The following GPAT3 variants were observed in gnomAD, a reference collection of about 807,000 sequenced individuals.
GPAT3 encodes 1-AGP acyltransferase 9.
A neutral mutation model predicts 58.8 loss-of-function variants in GPAT3; 53 were observed. The ratio of observed to expected loss-of-function variants is 0.90; its 90% confidence interval spans 0.72 to 1.13. The LOEUF (loss-of-function observed/expected upper bound fraction) is 1.13, where lower values mean the gene tolerates loss of function less well. Ranked by LOEUF, GPAT3 falls within the 50% of genes most tolerant of loss-of-function variation. The pLI is 0.00. For missense variants in GPAT3, 511 were observed against 527.6 expected (o/e 0.97, Z 0.31); for synonymous variants, 197 against 187.4 (o/e 1.05, Z -0.42).
rs774973498 is a variant in GPAT3, at chr4:83,590,310, A to G, written c.738+18A>G. The G allele has an allele frequency of 6.2e-7, 1 of 1,604,560 alleles. No individual in the cohort carries two copies. The highest frequency in any genetic ancestry group is 8.5e-7 in the Non-Finnish European group (1 of 1,175,000). On this transcript the variant is annotated intron_variant, in intron 6 of 11. Transcript: ENST00000264409. The stretch of plus-strand genomic sequence containing the variant: ...ATGCTATGGTAAGAGCAGCTCATTG[A>G]TATTTCAAGTAGTTGCATGTTTTAT...
chr4:83,578,361 T>C (rs1374717990), intron 2 of GPAT3, among the ~76,000 whole-genome samples: 1 of 152,208 alleles, frequency 6.6e-6, no homozygotes, highest in Non-Finnish European at 1.5e-5. Context: ...AACTAAAATA[T>C]AAAATTGAGT....
At chr4:83,573,116 A>G (rs971729013) in intron 2 of GPAT3, among the ~76,000 whole-genome samples, 1 of 152,024 alleles carries the variant, frequency 6.6e-6, no homozygotes, top group Non-Finnish European at 1.5e-5. Flanking sequence ...AGATGGTATA[A>G]TGATCTTTTA....
intron 2 of GPAT3, among the ~76,000 whole-genome samples, chr4:83,549,370 C>T (rs1724660764): frequency 6.6e-6 from 1 of 151,316 alleles, no homozygotes; most frequent in South Asian, 2.1e-4. Flanking sequence ...ACTTGTCTAG[C>T]TACTTGTAGA....
intron 2 of GPAT3, among the ~76,000 whole-genome samples, chr4:83,566,419 T>TTTTTTATTATTATTA (rs1553945448): frequency 7.0e-6 from 1 of 143,594 alleles, no homozygotes; most frequent in African/African-American, 2.6e-5. Flanking sequence ...AATTAATTAA[T>TTTTTTATTATTATTA]TTATTATTAT....
At chr4:83,539,353 T>C (rs1256825929) in intron 1 of GPAT3, among the ~76,000 whole-genome samples, 2 of 152,238 alleles carry the variant, frequency 1.3e-5, no homozygotes, top group Non-Finnish European at 2.9e-5. Flanking sequence ...GAATATTCTT[T>C]GGGCTCTGAT....
chr4:83,562,793 GAT>G (rs1725228094), intron 2 of GPAT3, among the ~76,000 whole-genome samples: 1 of 120,872 alleles, frequency 8.3e-6, no homozygotes, highest in African/African-American at 3.5e-5. Flanking sequence ...GATAGAAAGA[GAT>G]ATAGATAGAT....
At chr4:83,537,591 A>ATGTG (rs113407081) in intron 1 of GPAT3, among the ~76,000 whole-genome samples, 2,256 of 145,242 alleles carry the variant, frequency 0.016, 24 homozygotes, top group Non-Finnish European at 0.019. Flanking sequence ...TATGTATAAT[A>ATGTG]TGTGTGTGTG....
intron 2 of GPAT3, among the ~76,000 whole-genome samples, chr4:83,580,394 G>T (rs1157734365): frequency 6.6e-6 from 1 of 152,102 alleles, no homozygotes; most frequent in African/African-American, 2.4e-5. Flanking sequence ...GTTAATGGGT[G>T]CATTTTATAT....
chr4:83,573,931 G>C (rs1235955436), intron 2 of GPAT3, among the ~76,000 whole-genome samples: 1 of 152,088 alleles, frequency 6.6e-6, no homozygotes, highest in Admixed American at 6.5e-5. Context: ...CCCCCTTCCA[G>C]TCTCTATGGG....
intron 9 of GPAT3, among the ~76,000 whole-genome samples, 159 bp from the exon 10 acceptor site, chr4:83,597,892 G>C (rs1281292222): frequency 2.0e-5 from 3 of 152,056 alleles, no homozygotes; most frequent in Non-Finnish European, 4.4e-5. Context: ...TGTATTAGCT[G>C]GCCCAGTTTA....
At chr4:83,556,335 TA>T (rs1401216509) in intron 2 of GPAT3, among the ~76,000 whole-genome samples, 2 of 152,082 alleles carry the variant, frequency 1.3e-5, no homozygotes, top group South Asian at 2.1e-4. Flanking sequence ...CTGTCTTGAC[TA>T]AAATACAAAA....
At chr4:83,598,811 C>T in intron 11 of GPAT3, 88 bp downstream of exon 11, 1 of 859,990 alleles carries the variant, frequency 1.2e-6, no homozygotes. Flanking sequence ...CTCTTTTACC[C>T]AGGCTGGAGT....
chr4:83,571,960 C>T (rs1413147271), intron 2 of GPAT3, among the ~76,000 whole-genome samples: 2 of 151,908 alleles, frequency 1.3e-5, no homozygotes, highest in African/African-American at 2.4e-5. Context: ...TTTGTAGAGA[C>T]GGGGGTTTCA....
Position 83,536,236 on chromosome 4 carries a change from C to T in GPAT3, c.-387C>T. ...GTCATCTGCTGAGTTGTCGCAATCGCCACCCAGAGGAAATCAGGCACCGGG... is the reference window on the plus strand; with the variant it reads ...GTCATCTGCTGAGTTGTCGCAATCGTCACCCAGAGGAAATCAGGCACCGGG... On this transcript the variant is annotated 5_prime_UTR_variant, in exon 1 of 12. Transcript: ENST00000264409. 1 of 1,000,756 alleles carries T rather than the reference C, an allele frequency of 1.0e-6. No homozygotes were observed. The highest frequency in any genetic ancestry group is 1.7e-5 in the African/African-American group (1 of 57,954). 62.0% of individuals were successfully genotyped at this position (1,000,756 alleles called of 1,614,324 possible). A position where few individuals can be genotyped will look rare whatever the true frequency, so the allele number is the denominator to read the frequency against.
intron 1 of GPAT3, 33 bp downstream of exon 1, chr4:83,536,796 A>G (rs764704702): frequency 1.3e-6 from 2 of 1,573,400 alleles, no homozygotes; most frequent in Non-Finnish European, 1.7e-6. Context: ...CCAGCCCCAC[A>G]CCGCTGCGGG....
Position 83,543,203 on chromosome 4 carries a change from G to T in GPAT3, c.142-1333G>T, listed in dbSNP as rs534252971. On this transcript the variant is annotated intron_variant, in intron 1 of 11. Transcript: ENST00000264409. ...TGGTCCCAGCTAGTCAGGAGGCTGA[G>T]GTGGGAGGATTGCTTCAGCCTGGGA... Among the ~76,000 whole-genome samples, 225 of 152,132 alleles carry T rather than the reference G, an allele frequency of 1.5e-3. 1 individual carries two copies. The highest frequency in any genetic ancestry group is 5.0e-3 in the African/African-American group (207 of 41,508).
Position 83,590,264 on chromosome 4 carries a change from T to C in GPAT3, c.710T>C (p.Ile237Thr). ...CATACTTCCCCCATTGATGTTTTAA[T>C]CTTGACAACGGATGGATGTTATGCT... ...ANHTSPIDVL[I>T]LTTDGCYAMV... The change falls in exon 6 of 12, where the codon ATC becomes ACC. Residue 237 changes from isoleucine to threonine, a missense_variant. Transcript: ENST00000264409. 1 of 1,613,856 alleles carries C rather than the reference T, an allele frequency of 6.2e-7. No homozygotes were observed. The highest frequency in any genetic ancestry group is 8.5e-7 in the Non-Finnish European group (1 of 1,179,810).
At chr4:83,538,718 T>G (rs1034732560) in intron 1 of GPAT3, among the ~76,000 whole-genome samples, 4 of 152,168 alleles carry the variant, frequency 2.6e-5, no homozygotes, top group Non-Finnish European at 4.4e-5. Context: ...AGGATCTGAC[T>G]TTCAGTTTGA....
At chr4:83,564,779 C>T (rs1238516516) in intron 2 of GPAT3, among the ~76,000 whole-genome samples, 2 of 152,042 alleles carry the variant, frequency 1.3e-5, no homozygotes, top group Non-Finnish European at 2.9e-5. Flanking sequence ...GTATTTTTAC[C>T]TCTGCTTATC....
Sources: allele counts gnomAD v4.1 joint callset (sites outside exome capture counted in the v4.1 genomes callset), GRCh38; gene constraint gnomAD v4.1.1; transcripts MANE v1.5; gene names NCBI Gene and HGNC (gene_info 2026-07-23, HGNC 2026-07-21).